COMMD10: variants seen among roughly 807,000 people sequenced by gnomAD.
COMMD10 encodes the protein COMM domain containing 10.
Under a neutral mutation model 28.9 loss-of-function variants are expected in COMMD10, and 33 were observed. The ratio of observed to expected loss-of-function variants is 1.14; its 90% CI spans 0.87 to 1.53. The LOEUF is 1.53. Among genes scored for constraint, COMMD10 ranks in the 40% most tolerant of loss-of-function variants. The probability of loss-of-function intolerance (pLI) is 0.00; values close to 1 mark genes in which losing one functional copy is unlikely to be tolerated. For missense variants in COMMD10, 310 were observed against 233.4 expected, an observed-to-expected ratio of 1.33 and a Z score of -2.14; for synonymous variants, 110 against 81.7, an observed-to-expected ratio of 1.35 and a Z score of -1.87.
chr5:116,217,458 A>G (rs1352119496), intron 5 of COMMD10, among the ~76,000 whole-genome samples: 1 of 152,234 alleles, frequency 6.6e-6, no homozygotes, highest in African/African-American at 2.4e-5. Flanking sequence ...ACAACTTTTC[A>G]CAAGCTGACC....
intron 5 of COMMD10, among the ~76,000 whole-genome samples, chr5:116,201,157 A>T (rs1443976189): frequency 1.3e-5 from 2 of 152,160 alleles, no homozygotes; most frequent in African/African-American, 4.8e-5. Flanking sequence ...CCTGTAAGTC[A>T]GTTAGGCTCT....
rs1749792163 is a variant in COMMD10, at chr5:116,240,932, T to G, written c.511-50585T>G. ...ATTATTCCAGGCTACAAGATTAATT[T>G]TCCTCTATGTCTTTAATCTGAGGTA... On this transcript the variant is annotated intron_variant, in intron 5 of 6. Transcript: ENST00000274458. 2.6e-5 allele frequency among the ~76,000 whole-genome samples: 4 copies of G among 152,162 alleles called. No homozygotes were observed. In the South Asian group the frequency reaches 8.4e-4, roughly 32 times the overall value.
At chr5:116,167,960 A>T (rs746213817) in intron 5 of COMMD10, among the ~76,000 whole-genome samples, 1 of 152,184 alleles carries the variant, frequency 6.6e-6, no homozygotes, top group Non-Finnish European at 1.5e-5. Flanking sequence ...TCATAATAAC[A>T]GGATCAAATT....
Position 116,103,906 on chromosome 5 carries a change from A to G in COMMD10, c.399+11206A>G, listed in dbSNP as rs142161151. ...CCCAGCACCATTTATTACATAGGGAATCCCTTCCCCATTTCTTGTTTTTGT... is the reference window on the plus strand; with the variant it reads ...CCCAGCACCATTTATTACATAGGGAGTCCCTTCCCCATTTCTTGTTTTTGT... On this transcript the variant is annotated intron_variant, in intron 4 of 6. Transcript: ENST00000274458. Among the ~76,000 whole-genome samples the G allele has an allele frequency of 7.8e-4, 119 of 152,310 alleles. No homozygotes were observed. The East Asian group carries it at 0.019, about 24-fold the overall frequency.
At chr5:116,291,676 T>G (rs1266304363) in intron 6 of COMMD10, 100 bp downstream of exon 6, 5 of 647,540 alleles carry the variant, frequency 7.7e-6, no homozygotes, top group Non-Finnish European at 1.0e-5. Context: ...ATTATGGAAC[T>G]AAGTTCTTTA....
chr5:116,127,176 T>G (rs1442012436), intron 4 of COMMD10, among the ~76,000 whole-genome samples: 4 of 152,022 alleles, frequency 2.6e-5, no homozygotes, highest in African/African-American at 9.7e-5. Context: ...CATGAAAAAA[T>G]GTTCATCATC....
rs571645218 is a variant in COMMD10 at position 116,292,672 on chromosome 5, A to G, written c.*183A>G. The G allele has an allele frequency of 1.4e-4, 61 of 434,312 alleles. No individual in the cohort carries two copies. Among genetic ancestry groups the G allele is most frequent in the African/African-American group, 1.2e-3 (59 of 49,546 alleles). 26.9% of individuals were successfully genotyped at this position (434,312 alleles called of 1,614,324 possible). On this transcript the variant is annotated 3_prime_UTR_variant, in exon 7 of 7. Coordinates refer to ENST00000274458, the MANE Select transcript of COMMD10 (RefSeq NM_016144.4). ...CATTGTTAAGAATACTGAGGTTCTA[A>G]TATACTTTCTTTAGTTCTGTGAGCC...
intron 4 of COMMD10, among the ~76,000 whole-genome samples, chr5:116,096,616 G>A (rs1007919191): frequency 2.0e-5 from 3 of 151,472 alleles, no homozygotes; most frequent in African/African-American, 4.9e-5. Context: ...GACTTCCAAC[G>A]TGATGCTGAA....
intron 5 of COMMD10, among the ~76,000 whole-genome samples, chr5:116,185,067 CA>C (rs1047330955): frequency 4.0e-4 from 61 of 152,062 alleles, no homozygotes; most frequent in African/African-American, 1.4e-3. Context: ...GGTTTCTTCC[CA>C]AAGATGAACA....
intron 5 of COMMD10, among the ~76,000 whole-genome samples, chr5:116,186,822 A>G (rs1748153631): frequency 6.6e-6 from 1 of 152,174 alleles, no homozygotes; most frequent in African/African-American, 2.4e-5. Flanking sequence ...TAGCAGCATA[A>G]TGAATTTTAA....
chr5:116,129,343 T>G (rs1751774815), intron 4 of COMMD10, among the ~76,000 whole-genome samples: 1 of 146,278 alleles, frequency 6.8e-6, no homozygotes, highest in Non-Finnish European at 1.5e-5. Context: ...GTATATATAG[T>G]ATAGTATATA....
At chr5:116,110,449 G>T (rs4921063) in intron 4 of COMMD10, among the ~76,000 whole-genome samples, 76,647 of 152,018 alleles carry the variant, frequency 0.5, 21,919 homozygotes, top group Non-Finnish European at 0.65. Flanking sequence ...ATTGGTATTA[G>T]TTCTTTGTAT....
intron 5 of COMMD10, among the ~76,000 whole-genome samples, chr5:116,182,675 T>A (rs1271644791): frequency 6.6e-6 from 1 of 152,010 alleles, no homozygotes; most frequent in Non-Finnish European, 1.5e-5. Flanking sequence ...ACTAAAAAAT[T>A]AGAAAGCCAA....
chr5:116,099,960 A>G (rs115465375), intron 4 of COMMD10, among the ~76,000 whole-genome samples: 2,043 of 152,280 alleles, frequency 0.013, 47 homozygotes, highest in African/African-American at 0.045. Flanking sequence ...TTGCATATAC[A>G]TAATGAGATG....
chr5:116,203,982 T>TATTCAGGAAACCC (rs1432876951), intron 5 of COMMD10, among the ~76,000 whole-genome samples: 7 of 152,142 alleles, frequency 4.6e-5, no homozygotes, highest in Non-Finnish European at 1.0e-4. Flanking sequence ...CAGTGTGCTG[T>TATTCAGGAAACCC]ATTCAGGAAA....
chr5:116,199,239 T>C (rs1748603478), intron 5 of COMMD10, among the ~76,000 whole-genome samples: 1 of 152,180 alleles, frequency 6.6e-6, no homozygotes, highest in South Asian at 2.1e-4. Flanking sequence ...TATATATTTA[T>C]TTGGCATCTG....
chr5:116,204,713 G>T (rs1297780727), intron 5 of COMMD10, among the ~76,000 whole-genome samples: 1 of 152,036 alleles, frequency 6.6e-6, no homozygotes, highest in South Asian at 2.1e-4. Context: ...TAATTAAATT[G>T]CAAAGTTTAA....
rs146960013 is a variant in COMMD10, at chr5:116,143,687, C to T, written c.510+9509C>T. 5.1e-4 allele frequency among the ~76,000 whole-genome samples: 78 copies of T among 151,798 alleles called. 4 individuals are homozygous for T. The East Asian group carries it at 0.013, about 24-fold the overall frequency. On this transcript the variant is annotated intron_variant, in intron 5 of 6. Coordinates refer to ENST00000274458, the MANE Select transcript of COMMD10 (RefSeq NM_016144.4). Reference sequence around the variant, plus strand: ...TAAATGAATAATATAAATATTTTGACATAAAAGTATTAACAATGAATTAGA... The same window carrying T: ...TAAATGAATAATATAAATATTTTGATATAAAAGTATTAACAATGAATTAGA...
At chr5:116,291,753 AAAC>A (rs745978523) in intron 6 of COMMD10, among the ~76,000 whole-genome samples, 177 bp downstream of exon 6, 7,945 of 152,176 alleles carry the variant, frequency 0.052, 286 homozygotes, top group East Asian at 0.14. Context: ...AGAATTTGAA[AAAC>A]TAAATCAGGA....
Sources: allele counts gnomAD v4.1 joint callset (sites outside exome capture counted in the v4.1 genomes callset), GRCh38; gene constraint gnomAD v4.1.1; transcripts MANE v1.5; gene names NCBI Gene and HGNC (gene_info 2026-07-23, HGNC 2026-07-21).